C2orf80: variants seen among roughly 807,000 people sequenced by gnomAD.
C2orf80 encodes chromosome 2 open reading frame 80.
A neutral mutation model predicts 30.2 loss-of-function variants in C2orf80; 28 were observed. The observed-to-expected ratio is 0.93, with a 90% CI of 0.69 to 1.27. The LOEUF (loss-of-function observed/expected upper bound fraction) is 1.27. Ranked by LOEUF, C2orf80 falls within the 50% of genes most tolerant of loss-of-function variation. The pLI, the probability that C2orf80 is intolerant of heterozygous loss-of-function variation, is 0.00. For synonymous variants in C2orf80, 80 were observed against 76.4 expected (o/e 1.05, Z -0.24); for missense variants, 220 against 231.0 (o/e 0.95, Z 0.31).
intron 3 of C2orf80, among the ~76,000 whole-genome samples, chr2:208,183,918 C>T (rs1200477889): frequency 6.6e-6 from 1 of 152,218 alleles, no homozygotes; most frequent in Non-Finnish European, 1.5e-5. Context: ...AATATTCCTT[C>T]TCTCCTTTCA....
At chr2:208,170,265 T>C (rs1044870003) in intron 8 of C2orf80, among the ~76,000 whole-genome samples, 2 of 152,202 alleles carry the variant, frequency 1.3e-5, no homozygotes, top group Non-Finnish European at 2.9e-5. Context: ...TCAGCTTTTA[T>C]TCTGTTGATC....
chr2:208,170,354 G>A (rs1696055272), intron 8 of C2orf80, among the ~76,000 whole-genome samples: 1 of 152,112 alleles, frequency 6.6e-6, no homozygotes, highest in Non-Finnish European at 1.5e-5. Flanking sequence ...GAAGAACAAA[G>A]AGCCCTCCTC....
Position 208,178,108 on chromosome 2 carries a change from G to A in C2orf80, c.366+2637C>T, listed in dbSNP as rs11893503. Among the ~76,000 whole-genome samples, 832 of 152,128 alleles carry A rather than the reference G, an allele frequency of 5.5e-3. 13 individuals are homozygous for A. Among genetic ancestry groups the A allele is most frequent in the African/African-American group, 0.019 (794 of 41,496 alleles). On this transcript the variant is annotated intron_variant, in intron 6 of 8. Transcript: ENST00000341287. ...GCTGGTATTACAGGCATGAGCTACC[G>A]CGCCCAGCCTTCTAGCAACTTTAAA...
intron 8 of C2orf80, among the ~76,000 whole-genome samples, chr2:208,166,961 T>C (rs1347388506): frequency 1.3e-5 from 2 of 152,162 alleles, no homozygotes; most frequent in Non-Finnish European, 2.9e-5. Context: ...GTCCTGACAC[T>C]TTTCTAAGCC....
chr2:208,178,911 C>A (rs1696459383), intron 6 of C2orf80, among the ~76,000 whole-genome samples: 1 of 152,118 alleles, frequency 6.6e-6, no homozygotes, highest in African/African-American at 2.4e-5. Flanking sequence ...GCGACCGCCA[C>A]CACACCTGGC....
chr2:208,176,963 A>C (rs866247028), intron 6 of C2orf80, among the ~76,000 whole-genome samples: 390 of 36,012 alleles, frequency 0.011, 29 homozygotes, highest in Middle Eastern at 0.026. Context: ...CTGTATACAT[A>C]TGTATACATA....
chr2:208,188,976 C>T (rs1696800056), intron 1 of C2orf80, among the ~76,000 whole-genome samples: 1 of 152,274 alleles, frequency 6.6e-6, no homozygotes, highest in South Asian at 2.1e-4. Context: ...AGGAAAGCCA[C>T]ACTCATTGAT....
At position 208,175,288 on chromosome 2, in the gene C2orf80, C is replaced by T. The variant is rs150748678; in HGVS notation, c.367-3213G>A. On this transcript the variant is annotated intron_variant, in intron 6 of 8. Coordinates refer to ENST00000341287, the MANE Select transcript of C2orf80 (RefSeq NM_001099334.3). ...CAAGCCTGCGTGACAGAGTGAGACT[C>T]TGTCTTAAAAAAAAAATGAGTAAGA... Among the ~76,000 whole-genome samples, 229 of 151,058 alleles carry T rather than the reference C, an allele frequency of 1.5e-3. 5 individuals carry two copies. The East Asian group carries it at 0.036, about 24-fold the overall frequency.
intron 6 of C2orf80, among the ~76,000 whole-genome samples, chr2:208,178,199 C>A (rs1696429002): frequency 6.6e-6 from 1 of 152,108 alleles, no homozygotes; most frequent in South Asian, 2.1e-4. Context: ...GATAACCCAG[C>A]CAAACCTGGA....
At chr2:208,172,114 C>T in intron 6 of C2orf80, 39 bp from the exon 7 acceptor site, 1 of 1,481,576 alleles carries the variant, frequency 6.7e-7, no homozygotes, top group Non-Finnish European at 9.4e-7. Flanking sequence ...ATCTGTCCAT[C>T]ATCTGCGGCA....
chr2:208,178,527 C>A (rs1246422780), intron 6 of C2orf80, among the ~76,000 whole-genome samples: 1 of 152,142 alleles, frequency 6.6e-6, no homozygotes, highest in Non-Finnish European at 1.5e-5. Context: ...TCTTTGAAAA[C>A]CAAGAACAGC....
chr2:208,183,196 C>T (rs1453290906), intron 3 of C2orf80, 149 bp from the exon 4 acceptor site: 3 of 487,234 alleles, frequency 6.2e-6, no homozygotes, highest in Non-Finnish European at 1.1e-5. Flanking sequence ...ACCTGATGCT[C>T]GGCCAGATTT....
intron 6 of C2orf80, among the ~76,000 whole-genome samples, chr2:208,173,185 G>A (rs954085096): frequency 6.7e-6 from 1 of 150,034 alleles, no homozygotes; most frequent in Non-Finnish European, 1.5e-5. Context: ...CAACATTGTG[G>A]TATATTCCTA....
At chr2:208,188,536 C>T (rs534929603) in intron 1 of C2orf80, among the ~76,000 whole-genome samples, 1 of 151,890 alleles carries the variant, frequency 6.6e-6, no homozygotes, top group Non-Finnish European at 1.5e-5. Flanking sequence ...ACCTCTGCCT[C>T]CTGGGTTCAA....
At chr2:208,181,149 T>C in intron 5 of C2orf80, 69 bp downstream of exon 5, 1 of 1,057,496 alleles carries the variant, frequency 9.5e-7, no homozygotes, top group Non-Finnish European at 1.4e-6. Context: ...ATGTAAATAT[T>C]CATTACTGTA....
intron 6 of C2orf80, 47 bp from the exon 7 acceptor site, chr2:208,172,122 G>T: frequency 1.4e-6 from 2 of 1,409,912 alleles, no homozygotes; most frequent in Non-Finnish European, 2.0e-6. Context: ...ATCATCTGCG[G>T]CATGAACACC....
rs1471008741 is a variant in C2orf80 at position 208,182,592 on chromosome 2, G to A, written c.206+373C>T. ...ATTTTTGTATTTTTAATAGAGGCGA[G>A]GTTTTACCATATTGTCCAGGTTGGT... On this transcript the variant is annotated intron_variant, in intron 4 of 8. Transcript: ENST00000341287. 5.3e-5 allele frequency among the ~76,000 whole-genome samples: 8 copies of A among 152,106 alleles called. No homozygotes were observed. The East Asian group carries it at 1.5e-3, about 29-fold the overall frequency.
At chr2:208,171,529 C>T (rs917542675) in intron 7 of C2orf80, among the ~76,000 whole-genome samples, 3 of 152,116 alleles carry the variant, frequency 2.0e-5, no homozygotes, top group African/African-American at 7.2e-5. Flanking sequence ...CCGTGTTGGC[C>T]AGGCTGGTCT....
intron 8 of C2orf80, among the ~76,000 whole-genome samples, chr2:208,169,748 G>T (rs1219190746): frequency 6.7e-6 from 1 of 150,226 alleles, no homozygotes; most frequent in East Asian, 1.9e-4. Flanking sequence ...AAAAAGAAAA[G>T]AAAATCTAAT....
Sources: gnomAD v4.1 joint callset for allele counts (sites outside exome capture counted in the v4.1 genomes callset) on GRCh38, gnomAD v4.1.1 for gene constraint, MANE v1.5 for transcripts, NCBI Gene and HGNC (gene_info 2026-07-23, HGNC 2026-07-21) for gene names.